The following NSUN6 variants were observed in gnomAD, a reference collection of about 807,000 sequenced individuals.
The protein encoded by NSUN6 is tRNA (cytosine(72)-C(5))-methyltransferase NSUN6.
A neutral mutation model predicts 58.0 loss-of-function variants in NSUN6; 64 were observed. The observed-to-expected ratio is 1.10, with a 90% CI of 0.90 to 1.36. The LOEUF (loss-of-function observed/expected upper bound fraction) is 1.36, where lower values mean the gene tolerates loss of function less well. NSUN6 is among the 40% of genes most tolerant of loss of function. The probability of loss-of-function intolerance (pLI) is 0.00; values close to 1 mark genes in which losing one functional copy is unlikely to be tolerated. For missense variants in NSUN6, 701 were observed against 550.1 expected (o/e 1.27, Z -2.74); for synonymous variants, 231 against 193.9 (o/e 1.19, Z -1.59).
At position 18,648,538 on chromosome 10, in the gene NSUN6, T is replaced by G; in HGVS notation, c.183A>C (p.Leu61Phe). Residue 61 changes from leucine (L) to phenylalanine (F), a missense_variant, in exon 2 of 11, where the codon TTA becomes TTC. Coordinates refer to ENST00000377304, the MANE Select transcript of NSUN6 (RefSeq NM_182543.5). Reference sequence around the variant, plus strand: ...GATTTTTCACATGTTGTACTGAGGCTAAATGTGTATTCACTCTGACAGTTG... The same window carrying G: ...GATTTTTCACATGTTGTACTGAGGCGAAATGTGTATTCACTCTGACAGTTG... ...SFTTVRVNTHLASVQHVKNLL... is the reference protein window; with the variant it reads ...SFTTVRVNTHFASVQHVKNLL... 2 of 1,608,738 alleles carry G rather than the reference T, an allele frequency of 1.2e-6. No individual in the cohort carries two copies. The highest frequency in any genetic ancestry group is 2.7e-5 in the African/African-American group (2 of 74,940).
intron 8 of NSUN6, among the ~76,000 whole-genome samples, chr10:18,574,446 C>T (rs181175075): frequency 2.3e-4 from 35 of 152,132 alleles, no homozygotes; most frequent in Admixed American, 5.9e-4. Context: ...AGGGAACACA[C>T]GTTAGATTTA....
At chr10:18,623,238 T>C (rs911160262) in intron 3 of NSUN6, among the ~76,000 whole-genome samples, 5 of 152,200 alleles carry the variant, frequency 3.3e-5, no homozygotes, top group African/African-American at 1.2e-4. Flanking sequence ...GTTTACTGTA[T>C]ATAAAGTTTA....
intron 3 of NSUN6, among the ~76,000 whole-genome samples, chr10:18,635,273 T>C (rs1294136584): frequency 6.6e-6 from 1 of 152,212 alleles, no homozygotes; most frequent in Non-Finnish European, 1.5e-5. Flanking sequence ...CCATGCCTCT[T>C]TTCCCTTGCT....
chr10:18,627,772 C>T (rs537785384), intron 3 of NSUN6, among the ~76,000 whole-genome samples: 5 of 152,378 alleles, frequency 3.3e-5, no homozygotes, highest in East Asian at 3.9e-4. Flanking sequence ...CACGGAGTCT[C>T]GCTGATTGCT....
chr10:18,565,238 C>A (rs111068279), intron 8 of NSUN6, among the ~76,000 whole-genome samples: 1 of 151,510 alleles, frequency 6.6e-6, no homozygotes, highest in South Asian at 2.1e-4. Flanking sequence ...TACCATTCTC[C>A]ATTCCATTCC....
In NSUN6 at chr10:18,600,955, T is replaced by C. The variant is rs190556473; in HGVS notation, c.658-4628A>G. ...AAAAAAAAAAAAATATATATATATATATATACATATATATATATATATGTA... is the reference window on the plus strand; with the variant it reads ...AAAAAAAAAAAAATATATATATATACATATACATATATATATATATATGTA... On this transcript the variant is annotated intron_variant, in intron 6 of 10. Transcript: ENST00000377304. Among the ~76,000 whole-genome samples the C allele has an allele frequency of 3.7e-4, 32 of 85,664 alleles. 2 individuals are homozygous for C. In the East Asian group the frequency reaches 0.015, roughly 40 times the overall value. 56.2% of individuals were successfully genotyped at this position (85,664 alleles called of 152,430 possible). A position where few individuals can be genotyped will look rare whatever the true frequency, so the allele number is the denominator to read the frequency against.
chr10:18,634,953 T>C (rs188439943), intron 3 of NSUN6, among the ~76,000 whole-genome samples: 1 of 152,190 alleles, frequency 6.6e-6, no homozygotes, highest in African/African-American at 2.4e-5. Context: ...TGAGAAACAG[T>C]TCCCAACGGT....
intron 8 of NSUN6, among the ~76,000 whole-genome samples, chr10:18,580,802 T>C (rs1002172416): frequency 4.6e-5 from 7 of 152,152 alleles, no homozygotes; most frequent in Admixed American, 2.6e-4. Context: ...CCAAGTGAAC[T>C]TGCTAGCAGG....
At chr10:18,553,846 G>A (rs771200393) in intron 8 of NSUN6, among the ~76,000 whole-genome samples, 10 of 150,648 alleles carry the variant, frequency 6.6e-5, no homozygotes, top group Non-Finnish European at 1.2e-4. Flanking sequence ...ATAGAATGGA[G>A]AATGGAATGG....
intron 3 of NSUN6, among the ~76,000 whole-genome samples, chr10:18,632,190 C>T (rs940998827): frequency 6.6e-5 from 10 of 152,118 alleles, no homozygotes; most frequent in Admixed American, 3.3e-4. Flanking sequence ...GCTGGCAAAA[C>T]TGGCTAGCCA....
intron 1 of NSUN6, among the ~76,000 whole-genome samples, chr10:18,649,425 C>T (rs2059640620): frequency 6.6e-6 from 1 of 152,028 alleles, no homozygotes; most frequent in Non-Finnish European, 1.5e-5. Context: ...CAAAACTGAA[C>T]ATTCAGCCTG....
At chr10:18,547,617 A>C (rs1007657205) in intron 10 of NSUN6, among the ~76,000 whole-genome samples, 5 of 152,334 alleles carry the variant, frequency 3.3e-5, no homozygotes, top group East Asian at 1.9e-4. Context: ...AGGTAAAAGA[A>C]AGTATAGCAA....
At chr10:18,587,477 A>G (rs887171326) in intron 7 of NSUN6, among the ~76,000 whole-genome samples, 1 of 152,182 alleles carries the variant, frequency 6.6e-6, no homozygotes, top group Admixed American at 6.5e-5. Flanking sequence ...TAAAGATAAG[A>G]GGTCAAAATT....
intron 9 of NSUN6, 34 bp downstream of exon 9, chr10:18,551,784 AAAGTT>A (rs1222824989): frequency 3.5e-5 from 56 of 1,586,290 alleles, no homozygotes; most frequent in Non-Finnish European, 4.7e-5. Flanking sequence ...CAAAGTAGCA[AAAGTT>A]AACTTTGTTT....
At chr10:18,554,901 T>C (rs111068265) in intron 8 of NSUN6, among the ~76,000 whole-genome samples, 29,595 of 148,522 alleles carry the variant, frequency 0.2, 3,166 homozygotes, top group South Asian at 0.32. Context: ...TGGAATGGAA[T>C]AGAGAATGGA....
In NSUN6 at chr10:18,549,364, T is replaced by C. The variant is rs77193833; in HGVS notation, c.1072-1127A>G. Among the ~76,000 whole-genome samples, 113 of 152,292 alleles carry C rather than the reference T, an allele frequency of 7.4e-4. 2 individuals carry two copies. In the East Asian group the frequency reaches 0.016, roughly 22 times the overall value. On this transcript the variant is annotated intron_variant, in intron 9 of 10. Coordinates refer to ENST00000377304, the MANE Select transcript of NSUN6 (RefSeq NM_182543.5). ...ATCTTTGCAGCAGTTGGGAAAGCTC[T>C]CTTAATTCCCTGCACTGCTTACTCC...
At chr10:18,631,773 G>C (rs1472788308) in intron 3 of NSUN6, among the ~76,000 whole-genome samples, 1 of 151,340 alleles carries the variant, frequency 6.6e-6, no homozygotes, top group African/African-American at 2.4e-5. Flanking sequence ...ACAAATGGAA[G>C]AACATTCCAT....
intron 8 of NSUN6, among the ~76,000 whole-genome samples, chr10:18,560,166 GAATGGAATGGAGAATGAACTGGAATGGAA>G (rs1281777078): frequency 6.6e-5 from 10 of 151,416 alleles, no homozygotes; most frequent in African/African-American, 2.4e-4. Context: ...ATGGGGAATG[GAATGGAATGGAGAATGAACTGGAATGGAA>G]AATGGAATGG....
upstream of NSUN6, chr10:18,658,117 C>T (rs548830075): frequency 6.6e-6 from 1 of 152,096 alleles, no homozygotes; most frequent in Non-Finnish European, 1.5e-5. Context: ...CTTACACAAA[C>T]ACAAAATTAT....
Sources: allele counts gnomAD v4.1 joint callset (sites outside exome capture counted in the v4.1 genomes callset), GRCh38; gene constraint gnomAD v4.1.1; transcripts MANE v1.5; gene names NCBI Gene and HGNC (gene_info 2026-07-23, HGNC 2026-07-21).